CDH12: variants seen among roughly 807,000 people sequenced by gnomAD.
CDH12 encodes the protein cadherin 12.
CDH12 carries 41 observed loss-of-function variants against 74.1 expected under a neutral mutation model. That is an observed-to-expected ratio of 0.55 (90% CI 0.43 to 0.72). CDH12 has a LOEUF of 0.72. Ranked by LOEUF, CDH12 falls within the 30% of genes least tolerant of loss-of-function variation. CDH12 has a pLI of 0.00. For missense variants in CDH12, 945 were observed against 977.2 expected, an observed-to-expected ratio of 0.97 and a Z score of 0.44; for synonymous variants, 399 against 355.0, an observed-to-expected ratio of 1.12 and a Z score of -1.39.
intron 4 of CDH12, among the ~76,000 whole-genome samples, chr5:22,153,734 T>C (rs1747773652): frequency 1.3e-5 from 2 of 149,260 alleles, no homozygotes; most frequent in Admixed American, 1.4e-4. Flanking sequence ...TTCATGAGTA[T>C]TTTTAATTAA....
chr5:22,020,468 C>T (rs532637917), intron 5 of CDH12, among the ~76,000 whole-genome samples: 1 of 151,660 alleles, frequency 6.6e-6, no homozygotes, highest in African/African-American at 2.4e-5. Context: ...GCAGGGGAAT[C>T]GCTTGAACCC....
At chr5:22,435,554 C>A (rs1744352596) in intron 2 of CDH12, among the ~76,000 whole-genome samples, 1 of 150,706 alleles carries the variant, frequency 6.6e-6, no homozygotes, top group African/African-American at 2.4e-5. Flanking sequence ...AGTTCAGTCC[C>A]TCTAGAGAAT....
rs547760554 is a variant in CDH12, at chr5:22,821,031, C to A, written c.-523+32027G>T. Among the ~76,000 whole-genome samples, 4 of 152,214 alleles carry A rather than the reference C, an allele frequency of 2.6e-5. No homozygotes were observed. In the East Asian group the frequency reaches 7.7e-4, roughly 29 times the overall value. Reference sequence around the variant, plus strand: ...TCCAGCAGCACATCAAAAAGCTTATCCACCATGATCAAGTGGGCTTCATCC... The same window carrying A: ...TCCAGCAGCACATCAAAAAGCTTATACACCATGATCAAGTGGGCTTCATCC... On this transcript the variant is annotated intron_variant, in intron 1 of 14. Coordinates refer to ENST00000382254, the MANE Select transcript of CDH12 (RefSeq NM_004061.5).
At position 22,749,218 on chromosome 5, in the gene CDH12, G is replaced by A. The variant is rs145846839; in HGVS notation, c.-523+103840C>T. On this transcript the variant is annotated intron_variant, in intron 1 of 14. Coordinates refer to ENST00000382254, the MANE Select transcript of CDH12 (RefSeq NM_004061.5). ...GCAACAGCATGAGCACAGCACAGAGGCCTGAGGGCCTGGCCCTGAAGCAAA... is the reference window on the plus strand; with the variant it reads ...GCAACAGCATGAGCACAGCACAGAGACCTGAGGGCCTGGCCCTGAAGCAAA... Among the ~76,000 whole-genome samples, 629 of 152,312 alleles carry A rather than the reference G, an allele frequency of 4.1e-3. 4 individuals are homozygous for A. The highest frequency in any genetic ancestry group is 7.4e-3 in the Non-Finnish European group (500 of 68,026).
At chr5:22,227,954 CT>C (rs538976212) in intron 3 of CDH12, among the ~76,000 whole-genome samples, 25 of 152,124 alleles carry the variant, frequency 1.6e-4, no homozygotes, top group Non-Finnish European at 3.2e-4. Flanking sequence ...ACACCTGTCA[CT>C]TTTTCCATAG....
intron 5 of CDH12, among the ~76,000 whole-genome samples, chr5:21,985,524 A>G (rs962322369): frequency 2.6e-5 from 4 of 152,126 alleles, no homozygotes; most frequent in Admixed American, 2.0e-4. Context: ...GTGATGTAGA[A>G]TGGTTTAGTA....
At chr5:22,389,415 T>C (rs1742135270) in intron 3 of CDH12, among the ~76,000 whole-genome samples, 1 of 152,192 alleles carries the variant, frequency 6.6e-6, no homozygotes. Flanking sequence ...ATATAGTCCC[T>C]AAGTTGAAAT....
intron 3 of CDH12, among the ~76,000 whole-genome samples, chr5:22,233,304 A>AT (rs1386775593): frequency 4.7e-5 from 7 of 149,974 alleles, no homozygotes; most frequent in African/African-American, 1.2e-4. Flanking sequence ...CAAGCAAAAA[A>AT]AATATATATA....
At chr5:21,957,049 T>C (rs1464559131) in intron 6 of CDH12, among the ~76,000 whole-genome samples, 1 of 152,118 alleles carries the variant, frequency 6.6e-6, no homozygotes. Context: ...TTTTTCCTGC[T>C]CCTCTGTCTC....
chr5:22,702,881 C>T (rs754133015), intron 1 of CDH12, among the ~76,000 whole-genome samples: 2 of 151,974 alleles, frequency 1.3e-5, no homozygotes, highest in African/African-American at 4.8e-5. Flanking sequence ...AAAACCTTAC[C>T]ACTTTTTACA....
chr5:21,946,375 A>G (rs1181938204), intron 6 of CDH12, among the ~76,000 whole-genome samples: 2 of 152,236 alleles, frequency 1.3e-5, no homozygotes, highest in African/African-American at 4.8e-5. Context: ...ACTTCTGTTA[A>G]GTTTTTAAGC....
At chr5:22,351,637 C>A (rs1740359080) in intron 3 of CDH12, among the ~76,000 whole-genome samples, 2 of 152,104 alleles carry the variant, frequency 1.3e-5, no homozygotes, top group African/African-American at 4.8e-5. Context: ...CCAATTTATA[C>A]TAATTGAAAA....
At chr5:21,836,462 AACACACACAC>A (rs60658949) in intron 8 of CDH12, among the ~76,000 whole-genome samples, 104 of 143,430 alleles carry the variant, frequency 7.3e-4, no homozygotes, top group Non-Finnish European at 1.1e-3. Context: ...TAGAAAGGAA[AACACACACAC>A]ACACACACAC....
At chr5:22,352,991 AAGATGAATACCAAAC>A (rs1268519571) in intron 3 of CDH12, among the ~76,000 whole-genome samples, 1 of 152,194 alleles carries the variant, frequency 6.6e-6, no homozygotes, top group African/African-American at 2.4e-5. Context: ...GGCACTGCCA[AAGATGAATACCAAAC>A]AGATCCTCAC....
chr5:21,966,158 G>A (rs1205485416), intron 6 of CDH12, among the ~76,000 whole-genome samples: 5 of 123,320 alleles, frequency 4.1e-5, no homozygotes, highest in Admixed American at 8.2e-5. Flanking sequence ...CTATTTTTAC[G>A]TTTTTTTTTT....
chr5:22,488,470 T>G (rs1746699561), intron 2 of CDH12, among the ~76,000 whole-genome samples: 1 of 152,202 alleles, frequency 6.6e-6, no homozygotes, highest in African/African-American at 2.4e-5. Flanking sequence ...ATTTTAATGC[T>G]TTTACATTTT....
chr5:22,754,833 T>A (rs1009696256), intron 1 of CDH12, among the ~76,000 whole-genome samples: 9 of 152,164 alleles, frequency 5.9e-5, no homozygotes, highest in African/African-American at 2.2e-4. Flanking sequence ...GGTTAGGTGT[T>A]TATAGGAGGA....
At chr5:21,941,510 A>T (rs1360098904) in intron 6 of CDH12, among the ~76,000 whole-genome samples, 2 of 151,906 alleles carry the variant, frequency 1.3e-5, no homozygotes, top group Admixed American at 1.3e-4. Context: ...AATTTGAAAA[A>T]TGTGACTGGT....
At chr5:22,027,307 A>G (rs963407703) in intron 5 of CDH12, among the ~76,000 whole-genome samples, 1 of 152,124 alleles carries the variant, frequency 6.6e-6, no homozygotes. Context: ...CAGCTTTGGT[A>G]TTAGGATGAT....
Sources: allele counts gnomAD v4.1 joint callset (sites outside exome capture counted in the v4.1 genomes callset), GRCh38; gene constraint gnomAD v4.1.1; transcripts MANE v1.5; gene names NCBI Gene and HGNC (gene_info 2026-07-23, HGNC 2026-07-21).